Variants in RAB27B observed in about 807,000 individuals in gnomAD.
The protein encoded by RAB27B is ras-related protein Rab-27B.
RAB27B carries 15 observed loss-of-function variants against 24.6 expected under a neutral mutation model. The ratio of observed to expected loss-of-function variants is 0.61; its 90% CI spans 0.41 to 0.94. The LOEUF (loss-of-function observed/expected upper bound fraction) is 0.94, where lower values mean the gene tolerates loss of function less well. RAB27B is among the 40% of genes least tolerant of loss of function. The probability of loss-of-function intolerance (pLI) is 0.00; values close to 1 mark genes in which losing one functional copy is unlikely to be tolerated. For missense variants in RAB27B, 261 were observed against 266.8 expected (o/e 0.98, Z 0.15); for synonymous variants, 105 against 92.5 (o/e 1.14, Z -0.78).
rs1913318586 is a variant in RAB27B at position 54,890,313 on chromosome 18, T to G, written c.*900T>G. The stretch of plus-strand genomic sequence containing the variant: ...GTTTGGTGTTCAGCTTCACATTTCA[T>G]TTTTTCTTAGCACATGTTGATAAAA... On this transcript the variant is annotated 3_prime_UTR_variant, in exon 6 of 6. Coordinates refer to ENST00000262094, the MANE Select transcript of RAB27B (RefSeq NM_004163.4). The G allele has an allele frequency of 6.6e-6, 1 of 152,154 alleles. No individual in the cohort carries two copies. The highest frequency in any genetic ancestry group is 6.6e-5 in the Admixed American group (1 of 15,264). 9.4% of individuals were successfully genotyped at this position (152,154 alleles called of 1,614,324 possible).
intron 2 of RAB27B, among the ~76,000 whole-genome samples, chr18:54,804,852 C>A (rs1418284095): frequency 6.7e-5 from 1 of 14,894 alleles, no homozygotes; most frequent in African/African-American, 8.3e-5. Context: ...TTCTTTCCTT[C>A]CTTCCTTCCT....
intron 2 of RAB27B, among the ~76,000 whole-genome samples, chr18:54,801,153 C>T (rs1909597573): frequency 6.6e-6 from 1 of 151,492 alleles, no homozygotes; most frequent in South Asian, 2.1e-4. Flanking sequence ...GCTGGGATTA[C>T]AGGTGCACGC....
At chr18:54,792,464 A>G (rs1339249540) in intron 2 of RAB27B, among the ~76,000 whole-genome samples, 1 of 152,228 alleles carries the variant, frequency 6.6e-6, no homozygotes, top group Non-Finnish European at 1.5e-5. Flanking sequence ...GGTCAAATAA[A>G]TAACAATCTA....
At chr18:54,871,265 G>T (rs546449685) in intron 1 of RAB27B, among the ~76,000 whole-genome samples, 3 of 152,264 alleles carry the variant, frequency 2.0e-5, no homozygotes, top group Non-Finnish European at 2.9e-5. Flanking sequence ...TTGGTAGTCT[G>T]CAGGTCCTTA....
At chr18:54,793,848 C>G (rs1304194053) in intron 2 of RAB27B, among the ~76,000 whole-genome samples, 2 of 152,192 alleles carry the variant, frequency 1.3e-5, no homozygotes, top group Non-Finnish European at 2.9e-5. Context: ...GAGTTCAAAT[C>G]TATCCTGGGC....
At chr18:54,879,083 G>T (rs1215831619) in intron 2 of RAB27B, among the ~76,000 whole-genome samples, 3 of 152,120 alleles carry the variant, frequency 2.0e-5, no homozygotes, top group Non-Finnish European at 4.4e-5. Flanking sequence ...TTTGAACCTA[G>T]AACTTGGGTC....
chr18:54,821,121 G>T (rs537941806), intron 2 of RAB27B, among the ~76,000 whole-genome samples: 3 of 152,096 alleles, frequency 2.0e-5, no homozygotes, highest in African/African-American at 7.2e-5. Context: ...CGACATGATT[G>T]TATATCTAGA....
intron 1 of RAB27B, among the ~76,000 whole-genome samples, chr18:54,832,120 GT>G (rs1292119458): frequency 2.6e-5 from 4 of 152,158 alleles, no homozygotes; most frequent in Non-Finnish European, 1.5e-5. Context: ...AAGAGACTAA[GT>G]CGTAGGGTGA....
chr18:54,866,803 C>T (rs1206982702), intron 1 of RAB27B, among the ~76,000 whole-genome samples: 1 of 152,150 alleles, frequency 6.6e-6, no homozygotes, highest in Non-Finnish European at 1.5e-5. Flanking sequence ...TCCTCGGTGT[C>T]CTGGAGAAAA....
chr18:54,836,023 A>G (rs1428024654), intron 1 of RAB27B, among the ~76,000 whole-genome samples: 1 of 151,972 alleles, frequency 6.6e-6, no homozygotes, highest in East Asian at 1.9e-4. Context: ...TTATATTTAG[A>G]TAAAGGTGAG....
At chr18:54,815,117 G>C (rs1910081993) in intron 2 of RAB27B, among the ~76,000 whole-genome samples, 1 of 152,082 alleles carries the variant, frequency 6.6e-6, no homozygotes, top group South Asian at 2.1e-4. Flanking sequence ...TACATAAAAA[G>C]AGTAAGATCA....
At chr18:54,777,589 G>A (rs1302810118) in intron 2 of RAB27B, among the ~76,000 whole-genome samples, 1 of 152,202 alleles carries the variant, frequency 6.6e-6, no homozygotes, top group Non-Finnish European at 1.5e-5. Flanking sequence ...TCAGAGAAGA[G>A]AACTGCAAAT....
chr18:54,807,409 T>C (rs551243901), intron 2 of RAB27B, among the ~76,000 whole-genome samples: 25 of 152,156 alleles, frequency 1.6e-4, no homozygotes, highest in Admixed American at 2.6e-4. Context: ...TGGGCAGAAG[T>C]GTTGGACAAG....
chr18:54,870,184 A>G (rs1334691626), intron 1 of RAB27B, among the ~76,000 whole-genome samples: 2 of 152,194 alleles, frequency 1.3e-5, no homozygotes, highest in Non-Finnish European at 2.9e-5. Flanking sequence ...TATGAATACC[A>G]ATTTTTAAAA....
At chr18:54,855,179 C>T (rs1911732665) in intron 1 of RAB27B, among the ~76,000 whole-genome samples, 1 of 152,182 alleles carries the variant, frequency 6.6e-6, no homozygotes, top group Non-Finnish European at 1.5e-5. Context: ...AGAATTCATG[C>T]TCCTGTGAGA....
chr18:54,794,600 T>C (rs930027100), intron 2 of RAB27B, among the ~76,000 whole-genome samples: 7 of 152,224 alleles, frequency 4.6e-5, no homozygotes, highest in African/African-American at 1.7e-4. Context: ...ATCCACACAA[T>C]GTTGGAAAAA....
chr18:54,733,650 G>GCCC (rs557873086), intron 2 of RAB27B, among the ~76,000 whole-genome samples: 2,756 of 92,040 alleles, frequency 0.03, 414 homozygotes, highest in Non-Finnish European at 0.046. Flanking sequence ...CTGTTCTAGA[G>GCCC]CCCCCCCCCC....
intron 1 of RAB27B, among the ~76,000 whole-genome samples, chr18:54,855,921 C>T (rs1278500677): frequency 3.9e-5 from 6 of 152,204 alleles, no homozygotes; most frequent in Admixed American, 6.5e-5. Context: ...TACAACCACA[C>T]TGAATTAGAT....
chr18:54,776,536 G>A (rs998955748), intron 2 of RAB27B, among the ~76,000 whole-genome samples: 6 of 152,164 alleles, frequency 3.9e-5, no homozygotes, highest in African/African-American at 1.4e-4. Flanking sequence ...CCAGCAGTGC[G>A]TAAAACAGAC....
Sources: gnomAD v4.1 joint callset for allele counts (sites outside exome capture counted in the v4.1 genomes callset) on GRCh38, gnomAD v4.1.1 for gene constraint, MANE v1.5 for transcripts, NCBI Gene and HGNC (gene_info 2026-07-23, HGNC 2026-07-21) for gene names.